Variants in NOS1AP observed in about 807,000 individuals in gnomAD.
NOS1AP encodes the protein carboxyl-terminal PDZ ligand of neuronal nitric oxide synthase protein.
Under a neutral mutation model 56.2 loss-of-function variants are expected in NOS1AP, and 21 were observed. That is an observed-to-expected ratio of 0.37 (90% confidence interval 0.26 to 0.54). The LOEUF (loss-of-function observed/expected upper bound fraction) is 0.54. Among genes scored for constraint, NOS1AP ranks in the 20% least tolerant of loss-of-function variants. The pLI, the probability that NOS1AP is intolerant of heterozygous loss-of-function variation, is 0.84. For missense variants in NOS1AP, 522 were observed against 657.8 expected (o/e 0.79, Z 2.26); for synonymous variants, 270 against 274.6 (o/e 0.98, Z 0.17).
chr1:162,170,709 T>C (rs924552481), intron 2 of NOS1AP, among the ~76,000 whole-genome samples: 1 of 151,990 alleles, frequency 6.6e-6, no homozygotes, highest in African/African-American at 2.4e-5. Context: ...TGTAAATCAC[T>C]TGAGGTCAGA....
intron 1 of NOS1AP, among the ~76,000 whole-genome samples, chr1:162,139,886 T>C (rs542835974): frequency 6.6e-5 from 10 of 152,140 alleles, no homozygotes; most frequent in African/African-American, 2.4e-4. Flanking sequence ...TGGAGGGCAG[T>C]GTGTGATCTC....
intron 2 of NOS1AP, among the ~76,000 whole-genome samples, chr1:162,183,444 C>G (rs140514566): frequency 7.3e-4 from 111 of 152,334 alleles, no homozygotes; most frequent in African/African-American, 2.6e-3. Context: ...GTATCACTAG[C>G]TGTCCTTTGA....
chr1:162,303,904 C>CTTTTTT (rs35658165), intron 4 of NOS1AP, among the ~76,000 whole-genome samples: 1 of 110,716 alleles, frequency 9.0e-6, no homozygotes, highest in African/African-American at 3.5e-5. Flanking sequence ...TCTGGCTTGT[C>CTTTTTT]TTTTTTTTTT....
At chr1:162,352,939 T>A (rs1657569152) in intron 6 of NOS1AP, among the ~76,000 whole-genome samples, 1 of 152,186 alleles carries the variant, frequency 6.6e-6, no homozygotes, top group Non-Finnish European at 1.5e-5. Flanking sequence ...TCTTCTTACC[T>A]GCAATCCTGC....
intron 2 of NOS1AP, among the ~76,000 whole-genome samples, chr1:162,156,625 G>A (rs961560960): frequency 4.6e-5 from 7 of 152,084 alleles, no homozygotes; most frequent in South Asian, 2.1e-4. Context: ...CACTTTTGAC[G>A]AAGAGATAGG....
Position 162,162,037 on chromosome 1 carries a change from A to G in NOS1AP, c.177+7561A>G, listed in dbSNP as rs186729389. Among the ~76,000 whole-genome samples the G allele has an allele frequency of 2.6e-3, 396 of 152,334 alleles. 3 individuals are homozygous for G. The highest frequency in any genetic ancestry group is 3.9e-3 in the Non-Finnish European group (267 of 68,042). ...ATGTTCAAGTGTCTGAGAGTTCTCCATAAGAATTTTAAGATTTTGTTTTTC... is the reference window on the plus strand; with the variant it reads ...ATGTTCAAGTGTCTGAGAGTTCTCCGTAAGAATTTTAAGATTTTGTTTTTC... On this transcript the variant is annotated intron_variant, in intron 2 of 9. Transcript: ENST00000361897.
At chr1:162,192,575 G>A (rs747088295) in intron 2 of NOS1AP, among the ~76,000 whole-genome samples, 4 of 152,210 alleles carry the variant, frequency 2.6e-5, no homozygotes, top group Non-Finnish European at 5.9e-5. Context: ...GCTGTTGCCT[G>A]CCATGTGGTT....
At chr1:162,141,564 C>T (rs1649235857) in intron 1 of NOS1AP, among the ~76,000 whole-genome samples, 1 of 152,164 alleles carries the variant, frequency 6.6e-6, no homozygotes, top group East Asian at 1.9e-4. Flanking sequence ...GAAAATCTGT[C>T]CTCATCATCC....
intron 4 of NOS1AP, among the ~76,000 whole-genome samples, chr1:162,309,960 A>G (rs973584390): frequency 6.6e-6 from 1 of 152,146 alleles, no homozygotes; most frequent in Non-Finnish European, 1.5e-5. Flanking sequence ...GAAATGCTGT[A>G]ATATTTAGTC....
At position 162,231,733 on chromosome 1, in the gene NOS1AP, C is replaced by T. The variant is rs539298391; in HGVS notation, c.178-55611C>T. On this transcript the variant is annotated intron_variant, in intron 2 of 9. Transcript: ENST00000361897. ...AGAAAGCAGGGCAAAGCAGGAGAGA[C>T]TTGGAGCTGAGAGATGATAAATTGA... is the stretch of plus-strand genomic sequence containing the variant. Among the ~76,000 whole-genome samples, 6 of 152,182 alleles carry T rather than the reference C, an allele frequency of 3.9e-5. No homozygotes were observed. The East Asian group carries it at 1.2e-3, about 29-fold the overall frequency.
At chr1:162,144,705 G>A (rs6427652) in intron 1 of NOS1AP, among the ~76,000 whole-genome samples, 16,897 of 152,174 alleles carry the variant, frequency 0.11, 3,134 homozygotes, top group African/African-American at 0.39. Context: ...TCTGTGACAC[G>A]AGCCAGAGAT....
chr1:162,212,830 T>C (rs531338692), intron 2 of NOS1AP, among the ~76,000 whole-genome samples: 2 of 151,066 alleles, frequency 1.3e-5, no homozygotes, highest in African/African-American at 4.9e-5. Flanking sequence ...CTGTGAACTT[T>C]GGCTGCTGCC....
At position 162,357,106 on chromosome 1, in the gene NOS1AP, G is replaced by A; in HGVS notation, c.909G>A (p.Gln303=). Residue 303 remains glutamine, a synonymous_variant, in exon 8 of 10, where the codon CAG becomes CAA. Coordinates refer to ENST00000361897, the MANE Select transcript of NOS1AP (RefSeq NM_014697.3). The stretch of plus-strand genomic sequence containing the variant: ...TCCTCCAGCAGCTCCTCCAGCAGCA[G>A]CAGCAGCAGACACAAGTGGCTGTGG... ...MQLLQQLLQQ[Q]QQQTQVAVAQ... 6.2e-7 allele frequency: 1 copy of A among 1,609,644 alleles called. No homozygotes were observed. The highest frequency in any genetic ancestry group is 8.5e-7 in the Non-Finnish European group (1 of 1,179,890).
At chr1:162,330,594 G>T (rs1370710018) in intron 4 of NOS1AP, among the ~76,000 whole-genome samples, 2 of 152,188 alleles carry the variant, frequency 1.3e-5, no homozygotes, top group Non-Finnish European at 2.9e-5. Context: ...AGAAAGGTAG[G>T]TACACCATGC....
intron 2 of NOS1AP, among the ~76,000 whole-genome samples, chr1:162,212,971 C>T (rs1652422491): frequency 6.6e-6 from 1 of 152,314 alleles, no homozygotes; most frequent in Admixed American, 6.5e-5. Flanking sequence ...GCCCAAGTGA[C>T]AAGCTGTGGA....
At chr1:162,177,119 G>A (rs760588009) in intron 2 of NOS1AP, among the ~76,000 whole-genome samples, 1 of 152,178 alleles carries the variant, frequency 6.6e-6, no homozygotes, top group African/African-American at 2.4e-5. Flanking sequence ...CTGCCTGTAA[G>A]TGGTAAGCAT....
Position 162,070,103 on chromosome 1 carries a change from C to G in NOS1AP, c.-75C>G. On this transcript the variant is annotated 5_prime_UTR_variant, in exon 1 of 10. Coordinates refer to ENST00000361897, the MANE Select transcript of NOS1AP (RefSeq NM_014697.3). ...ACGCGTCGCCGCGCCCAGCTCCAGT[C>G]TCCCCTCCCCGGGGTCTCGCCAGCC... 1.6e-6 allele frequency: 2 copies of G among 1,226,442 alleles called. No individual in the cohort carries two copies. Among genetic ancestry groups the G allele is most frequent in the Admixed American group, 3.5e-5 (2 of 57,770 alleles). 76.0% of individuals were successfully genotyped at this position (1,226,442 alleles called of 1,614,324 possible).
intron 2 of NOS1AP, among the ~76,000 whole-genome samples, chr1:162,279,317 C>A (rs1654842680): frequency 6.6e-6 from 1 of 152,184 alleles, no homozygotes; most frequent in African/African-American, 2.4e-5. Context: ...CTACAGGGAG[C>A]AACCGCCACT....
At chr1:162,151,539 T>C (rs1328468960) in intron 1 of NOS1AP, among the ~76,000 whole-genome samples, 1 of 152,238 alleles carries the variant, frequency 6.6e-6, no homozygotes, top group East Asian at 1.9e-4. Flanking sequence ...TTGTTTTTTC[T>C]ATTTTTGTGG....
Sources: allele counts gnomAD v4.1 joint callset (sites outside exome capture counted in the v4.1 genomes callset), GRCh38; gene constraint gnomAD v4.1.1; transcripts MANE v1.5; gene names NCBI Gene and HGNC (gene_info 2026-07-23, HGNC 2026-07-21).